CPLANE1: variants seen among roughly 807,000 people sequenced by gnomAD.
CPLANE1 encodes ciliogenesis and planar polarity effector complex subunit 1.
CPLANE1 carries 263 observed loss-of-function variants against 362.5 expected under a neutral mutation model. The ratio of observed to expected loss-of-function variants is 0.73; its 90% CI spans 0.66 to 0.80. The LOEUF is 0.80. Among genes scored for constraint, CPLANE1 ranks in the 30% least tolerant of loss-of-function variants. The pLI is 0.00. For missense variants in CPLANE1, 3,461 were observed against 3,793.4 expected (o/e 0.91, Z 2.30); for synonymous variants, 1,212 against 1,302.6 (o/e 0.93, Z 1.50).
At chr5:37,097,436 T>C in the CPLANE1 span, among the ~76,000 whole-genome samples, 128 of 152,248 alleles carry the variant, frequency 8.4e-4, 2 homozygotes, top group Non-Finnish European at 1.9e-4. Flanking sequence ...AGAAGATCAA[T>C]GGCATAAGAA....
chr5:37,169,585 G>C, intron 33 of CPLANE1, 24 bp from the exon 34 acceptor site: 1 of 1,545,970 alleles, frequency 6.5e-7, no homozygotes, highest in Non-Finnish European at 8.7e-7. Context: ...AAGATATTAT[G>C]TAAGTTTAGA....
At chr5:37,113,754 A>T (rs1309277935) in intron 51 of CPLANE1, among the ~76,000 whole-genome samples, 2 of 152,246 alleles carry the variant, frequency 1.3e-5, no homozygotes, top group African/African-American at 4.8e-5. Flanking sequence ...TACCAAGCCT[A>T]GGCTAATTAC....
Position 37,244,393 on chromosome 5 carries a change from A to T in CPLANE1, c.552T>A (p.Ala184=). Residue 184 remains alanine (A), a synonymous_variant, in exon 5 of 53, where the codon GCT becomes GCA. Coordinates refer to ENST00000651892, the MANE Select transcript of CPLANE1 (RefSeq NM_001384732.1). ...ATTTTACCTCATTTTTTATAAAAAC[A>T]GCATTCACTACAGCTTCTTTATCTT... ...STEDKEAVVN[A]VFIKNELFGD... The T allele has an allele frequency of 6.5e-7, 1 of 1,547,360 alleles. No homozygotes were observed. The highest frequency in any genetic ancestry group is 8.7e-7 in the Non-Finnish European group (1 of 1,145,852).
Position 37,142,421 on chromosome 5 carries a change from G to A in CPLANE1, c.8521C>T (p.Pro2841Ser). The stretch of plus-strand genomic sequence containing the variant: ...TAATTTTCTGTTATTGAAAATTCAG[G>A]TTCTGAAGTCTCCTTTTTGTCACTT... ...DQSDKKETSE[P>S]EFSITENYSG... The change falls in exon 44 of 53, where the codon CCT becomes TCT. Residue 2841 changes from proline (P) to serine (S), a missense_variant. Around this residue, in one of 2 missense-constraint regions of CPLANE1, gnomAD observed 3,380 missense variants for 3,666.1 expected, o/e 0.92. Coordinates refer to ENST00000651892, the MANE Select transcript of CPLANE1 (RefSeq NM_001384732.1). 1 of 1,608,910 alleles carries A rather than the reference G, an allele frequency of 6.2e-7. No individual in the cohort carries two copies. Among genetic ancestry groups the A allele is most frequent in the South Asian group, 1.1e-5 (1 of 90,084 alleles).
intron 32 of CPLANE1, among the ~76,000 whole-genome samples, chr5:37,172,807 G>A (rs1405105321): frequency 1.3e-5 from 2 of 152,076 alleles, no homozygotes; most frequent in African/African-American, 4.8e-5. Flanking sequence ...CCAACATGGC[G>A]AAACTCCATC....
At chr5:37,207,303 G>T (rs1379167283) in intron 16 of CPLANE1, among the ~76,000 whole-genome samples, 1 of 152,182 alleles carries the variant, frequency 6.6e-6, no homozygotes, top group Admixed American at 6.5e-5. Flanking sequence ...TATGCCTACT[G>T]CAAGAACTAA....
chr5:37,144,724 A>G (rs1184524613), intron 43 of CPLANE1, among the ~76,000 whole-genome samples: 3 of 150,722 alleles, frequency 2.0e-5, no homozygotes, highest in Non-Finnish European at 4.4e-5. Flanking sequence ...GGTGGCGGGC[A>G]CCTGTAGTCC....
chr5:37,224,232 T>C lies in CPLANE1; in HGVS notation c.2581+21A>G, dbSNP rs967291084. On this transcript the variant is annotated intron_variant, in intron 14 of 52. Coordinates refer to ENST00000651892, the MANE Select transcript of CPLANE1 (RefSeq NM_001384732.1). The stretch of plus-strand genomic sequence containing the variant: ...GGAGTCCTGCTAATATTATGGCACA[T>C]ATTTTTTAACACTCTCTTACCTTTC... 23 of 1,507,148 alleles carry C rather than the reference T, an allele frequency of 1.5e-5. No homozygotes were observed. The African/African-American group carries it at 2.9e-4, about 19-fold the overall frequency. 93.4% of individuals were successfully genotyped at this position (1,507,148 alleles called of 1,614,324 possible).
At chr5:37,102,986 G>A (rs768057193), downstream of CPLANE1, among the ~76,000 whole-genome samples, 1 of 152,108 alleles carries the variant, frequency 6.6e-6, no homozygotes, top group Non-Finnish European at 1.5e-5. Context: ...ATTGTCAGTG[G>A]GGTGTTAAAG....
intron 44 of CPLANE1, chr5:37,141,412 A>G (rs1769677394): frequency 2.0e-5 from 20 of 985,280 alleles, no homozygotes; most frequent in Admixed American, 6.1e-5. Flanking sequence ...GATGCTTTAT[A>G]TATGATACTC....
rs1757677369 is a variant in CPLANE1 at position 37,106,580 on chromosome 5, A to C, written c.*1022T>G. 2.3e-6 allele frequency: 1 copy of C among 438,282 alleles called. No individual in the cohort carries two copies. Among genetic ancestry groups the C allele is most frequent in the African/African-American group, 2.1e-5 (1 of 47,130 alleles). 27.1% of individuals were successfully genotyped at this position (438,282 alleles called of 1,614,324 possible). A position where few individuals can be genotyped will look rare whatever the true frequency, so the allele number is the denominator to read the frequency against. On this transcript the variant is annotated 3_prime_UTR_variant, in exon 53 of 53. Coordinates refer to ENST00000651892, the MANE Select transcript of CPLANE1 (RefSeq NM_001384732.1). Reference sequence around the variant, plus strand: ...CAATTAACAATAATGTTAGCCTATAAAGCTATTTTCTAAAACAATTTGGTA... The same window carrying C: ...CAATTAACAATAATGTTAGCCTATACAGCTATTTTCTAAAACAATTTGGTA...
chr5:37,129,657 G>A (rs1017962385), intron 46 of CPLANE1, among the ~76,000 whole-genome samples: 3 of 152,020 alleles, frequency 2.0e-5, no homozygotes, highest in South Asian at 2.1e-4. Flanking sequence ...GCTCAACATC[G>A]CTAATGATCA....
rs926803279 is a variant in CPLANE1 at position 37,138,808 on chromosome 5, T to C, written c.8704A>G (p.Ile2902Val). 2 of 1,612,902 alleles carry C rather than the reference T, an allele frequency of 1.2e-6. No homozygotes were observed. Among genetic ancestry groups the C allele is most frequent in the Non-Finnish European group, 1.7e-6 (2 of 1,179,480 alleles). The change falls in exon 46 of 53, where the codon ATT (isoleucine) becomes GTT (valine). Residue 2902 changes from isoleucine (I) to valine (V), a missense_variant. Physicochemically the swap from Ile to Val is conservative, Grantham distance 29. This residue lies in a region of CPLANE1 where 3,380 missense variants were observed against 3,666.1 expected (regional missense o/e 0.92). Coordinates refer to ENST00000651892, the MANE Select transcript of CPLANE1 (RefSeq NM_001384732.1). ...ATAAGGTCATCAATAATGTCTGCAA[T>C]ATCAGTCAATCCAGTCATCTGGAGC... ...HPLQMTGLTD[I>V]ADIIDDLIIK... is the part of the protein sequence containing the mutation.
chr5:37,162,647 A>C, intron 37 of CPLANE1, 81 bp from the exon 38 acceptor site: 25 of 908,930 alleles, frequency 2.8e-5, no homozygotes, highest in Middle Eastern at 2.6e-4. Flanking sequence ...TACCTAACTC[A>C]ATGGAAGTAA....
chr5:37,108,408 G>A lies in CPLANE1; in HGVS notation c.9464C>T (p.Pro3155Leu), dbSNP rs1758154767. 2.5e-6 allele frequency: 4 copies of A among 1,613,970 alleles called. No homozygotes were observed. The African/African-American group carries it at 4.0e-5, about 16-fold the overall frequency. ...CTCTACACACACCTGCTTGGTTTGA[G>A]GTGCAAGCCCAGCACTTCCATGTTT... ...TKKHGSAGLA[P>L]QTKQVCVEYE... The change falls in exon 52 of 53, where the codon CCT becomes CTT. Residue 3155 changes from proline (P) to leucine (L), a missense_variant. By Grantham distance (98) the Pro-to-Leu change is moderately conservative. This residue lies in a region of CPLANE1 where 81 missense variants were observed against 127.3 expected (regional missense o/e 0.64). Transcript: ENST00000651892.
At position 37,226,552 on chromosome 5, in the gene CPLANE1, G is replaced by T. The variant is rs1429624123; in HGVS notation, c.2043C>A (p.Phe681Leu). 6.5e-7 allele frequency: 1 copy of T among 1,549,122 alleles called. No individual in the cohort carries two copies. Among genetic ancestry groups the T allele is most frequent in the Admixed American group, 2.0e-5 (1 of 50,456 alleles). ...AAAAACAAGCTAAAAGTTTCTCTGA[G>T]AATAACTGACCCTTTTGTTGCTGAG... The part of the protein sequence containing the change: ...LLTQQQKGQL[F>L]SEKLLACFYL... Residue 681 changes from phenylalanine (F) to leucine (L), a missense_variant, in exon 12 of 53, where the codon TTC (phenylalanine) becomes TTA (leucine). Phe to Leu is a conservative substitution (Grantham distance 22). Transcript: ENST00000651892.
chr5:37,190,024 G>A (rs1425116633), intron 21 of CPLANE1, among the ~76,000 whole-genome samples: 1 of 151,790 alleles, frequency 6.6e-6, no homozygotes, highest in Non-Finnish European at 1.5e-5. Flanking sequence ...AAGAAAAGAA[G>A]AGTGCATTGC....
intron 26 of CPLANE1, among the ~76,000 whole-genome samples, chr5:37,181,497 C>T (rs867431658): frequency 2.6e-5 from 4 of 151,982 alleles, no homozygotes; most frequent in Admixed American, 2.0e-4. Flanking sequence ...AACTGTATAC[C>T]TTATGATAAC....
chr5:37,159,850 A>G (rs1356195899), intron 38 of CPLANE1, among the ~76,000 whole-genome samples: 1 of 152,090 alleles, frequency 6.6e-6, no homozygotes, highest in African/African-American at 2.4e-5. Flanking sequence ...TGTTCTTAGG[A>G]AAAAAAAGAA....
Sources: allele counts gnomAD v4.1 joint callset (sites outside exome capture counted in the v4.1 genomes callset), GRCh38; gene constraint gnomAD v4.1.1; regional missense constraint gnomAD v4.1.1; transcripts MANE v1.5; gene names NCBI Gene and HGNC (gene_info 2026-07-23, HGNC 2026-07-21).